The following GABBR2 variants were observed in gnomAD, a reference collection of about 807,000 sequenced individuals.
GABBR2 encodes the protein G-protein coupled receptor 51.
In GABBR2, 23 loss-of-function variants were observed where a neutral mutation model predicts 105.6. That is an observed-to-expected ratio of 0.22 (90% confidence interval 0.16 to 0.31). The LOEUF (loss-of-function observed/expected upper bound fraction) is 0.31, where lower values mean the gene tolerates loss of function less well. Ranked by LOEUF, GABBR2 falls within the 10% of genes least tolerant of loss-of-function variation. The pLI is 1.00. For synonymous variants in GABBR2, 478 were observed against 499.7 expected (o/e 0.96, Z 0.58); for missense variants, 734 against 1,245.5 (o/e 0.59, Z 6.18).
chr9:98,476,260 T>C (rs1826791104), intron 5 of GABBR2, among the ~76,000 whole-genome samples: 1 of 152,238 alleles, frequency 6.6e-6, no homozygotes, highest in Non-Finnish European at 1.5e-5. Context: ...TACTGTCCTG[T>C]TGTAGCTGTT....
At chr9:98,463,833 G>A (rs898833753) in intron 6 of GABBR2, among the ~76,000 whole-genome samples, 1 of 152,138 alleles carries the variant, frequency 6.6e-6, no homozygotes, top group Non-Finnish European at 1.5e-5. Flanking sequence ...ACGGGGTTTC[G>A]CTGTGTTGAC....
At chr9:98,403,502 C>T (rs936862030) in intron 8 of GABBR2, among the ~76,000 whole-genome samples, 5 of 152,006 alleles carry the variant, frequency 3.3e-5, no homozygotes, top group African/African-American at 1.2e-4. Context: ...CCCTGGGAGA[C>T]ACTACTCATC....
At chr9:98,575,091 C>A (rs116000548) in intron 2 of GABBR2, among the ~76,000 whole-genome samples, 9,455 of 152,098 alleles carry the variant, frequency 0.062, 313 homozygotes, top group South Asian at 0.088. Context: ...ACCACCACCC[C>A]CCCCCAAATC....
In GABBR2 at chr9:98,594,524, C is replaced by A. The variant is rs951897536; in HGVS notation, c.322-16452G>T. On this transcript the variant is annotated intron_variant, in intron 1 of 18. Transcript: ENST00000259455. The stretch of plus-strand genomic sequence containing the variant: ...GGAGGGGCTCTGGGAGAGGAATTTG[C>A]TGGAGGGGTGGGGCCCAGGGAAGGT... Among the ~76,000 whole-genome samples the A allele has an allele frequency of 3.9e-5, 6 of 152,192 alleles. No homozygotes were observed. The East Asian group carries it at 1.2e-3, about 29-fold the overall frequency.
intron 3 of GABBR2, among the ~76,000 whole-genome samples, chr9:98,517,887 T>A (rs1307913486): frequency 9.2e-6 from 1 of 109,080 alleles, no homozygotes; most frequent in East Asian, 3.6e-4. Flanking sequence ...CCAGTGAGAG[T>A]CCAGAGGGAG....
chr9:98,428,400 T>TAAA (rs1825737330), intron 7 of GABBR2, among the ~76,000 whole-genome samples: 1 of 152,214 alleles, frequency 6.6e-6, no homozygotes, highest in Non-Finnish European at 1.5e-5. Flanking sequence ...AGGCTGCACC[T>TAAA]GACCAATCTC....
intron 1 of GABBR2, among the ~76,000 whole-genome samples, chr9:98,659,693 G>A (rs1439828830): frequency 1.3e-5 from 2 of 151,788 alleles, no homozygotes; most frequent in African/African-American, 2.4e-5. Flanking sequence ...GCTAACTTTT[G>A]TATTTTTAGT....
intron 1 of GABBR2, 90 bp downstream of exon 1, chr9:98,708,327 A>T (rs1830929206): frequency 2.4e-6 from 3 of 1,243,364 alleles, no homozygotes; most frequent in African/African-American, 1.6e-5. Context: ...TCAATCGGGG[A>T]TCTGACCAAA....
chr9:98,305,254 T>C (rs1352660094), intron 15 of GABBR2, among the ~76,000 whole-genome samples: 1 of 152,182 alleles, frequency 6.6e-6, no homozygotes. Flanking sequence ...ATGGAACATA[T>C]AAGTGGCTAC....
intron 11 of GABBR2, among the ~76,000 whole-genome samples, chr9:98,382,793 T>G (rs1832001803): frequency 6.6e-6 from 1 of 152,250 alleles, no homozygotes; most frequent in African/African-American, 2.4e-5. Context: ...AAATAAATTG[T>G]ATGCCCATGA....
intron 3 of GABBR2, among the ~76,000 whole-genome samples, chr9:98,522,851 G>A (rs1381868554): frequency 6.6e-6 from 1 of 152,068 alleles, no homozygotes; most frequent in Non-Finnish European, 1.5e-5. Context: ...ACTGAAAAAA[G>A]CATATCCACA....
At chr9:98,510,485 A>C (rs980824030) in intron 3 of GABBR2, among the ~76,000 whole-genome samples, 6 of 152,128 alleles carry the variant, frequency 3.9e-5, no homozygotes, top group Admixed American at 1.3e-4. Flanking sequence ...CAAATTGGAT[A>C]AAGAGTCAAG....
chr9:98,480,412 T>C (rs1826891732), intron 5 of GABBR2, among the ~76,000 whole-genome samples: 3 of 152,242 alleles, frequency 2.0e-5, no homozygotes, highest in African/African-American at 7.2e-5. Flanking sequence ...CTTTACTCTA[T>C]GGAGCTCTAT....
At chr9:98,570,377 G>A (rs145484517) in intron 2 of GABBR2, among the ~76,000 whole-genome samples, 11 of 152,290 alleles carry the variant, frequency 7.2e-5, no homozygotes, top group African/African-American at 1.4e-4. Context: ...TAGTGTTTGC[G>A]TTTTCCTACG....
chr9:98,643,921 T>C (rs1049011856), intron 1 of GABBR2, among the ~76,000 whole-genome samples: 2 of 152,242 alleles, frequency 1.3e-5, no homozygotes, highest in African/African-American at 4.8e-5. Flanking sequence ...AGCCAAGTCC[T>C]GGTGACACTG....
In GABBR2 at chr9:98,362,932, G is replaced by T. The variant is rs1831612578; in HGVS notation, c.1771-95C>A. Reference sequence around the variant, plus strand: ...AGGTCATAGGGGGAACCTGCATCATGAACCCCCCAGCCGGAGAGTCTCCTG... The same window carrying T: ...AGGTCATAGGGGGAACCTGCATCATTAACCCCCCAGCCGGAGAGTCTCCTG... On this transcript the variant is annotated intron_variant, in intron 12 of 18. Transcript: ENST00000259455. 22 of 1,087,434 alleles carry T rather than the reference G, an allele frequency of 2.0e-5. 1 individual carries two copies. In the South Asian group the frequency reaches 5.0e-4, roughly 24 times the overall value. The allele number at this position is 1,087,434 out of a possible 1,614,324, so 67.4% of individuals were successfully genotyped here.
intron 1 of GABBR2, among the ~76,000 whole-genome samples, chr9:98,694,949 T>G (rs913885420): frequency 6.6e-6 from 1 of 152,180 alleles, no homozygotes; most frequent in African/African-American, 2.4e-5. Flanking sequence ...ACCTAAAAGA[T>G]TTGTCTCTGG....
rs10818948 is a variant in GABBR2, at chr9:98,454,435, C to T, written c.1000-218G>A. Reference sequence around the variant, plus strand: ...GACCCCCCATTTTCAGGGGGGTCAACTTGCTTAGTTCCACAAAGCTAGTGA... The same window carrying T: ...GACCCCCCATTTTCAGGGGGGTCAATTTGCTTAGTTCCACAAAGCTAGTGA... On this transcript the variant is annotated intron_variant, in intron 6 of 18. Coordinates refer to ENST00000259455, the MANE Select transcript of GABBR2 (RefSeq NM_005458.8). The surrounding 1 kb of genome is among the most constrained non-coding windows in gnomAD (Gnocchi z 4.6). Among the ~76,000 whole-genome samples, 45,984 of 151,880 alleles carry T rather than the reference C, an allele frequency of 0.3. 7,499 individuals carry two copies. The highest frequency in any genetic ancestry group is 0.53 in the East Asian group (2,730 of 5,138).
intron 3 of GABBR2, among the ~76,000 whole-genome samples, chr9:98,517,576 T>C (rs1270759872): frequency 6.6e-6 from 1 of 152,200 alleles, no homozygotes; most frequent in African/African-American, 2.4e-5. Flanking sequence ...TAAACTTCAT[T>C]GTAAGTGAGG....
Sources: gnomAD v4.1 joint callset for allele counts (sites outside exome capture counted in the v4.1 genomes callset) on GRCh38, gnomAD v4.1.1 for gene constraint, Gnocchi (gnomAD v3.1) non-coding constraint, MANE v1.5 for transcripts, NCBI Gene and HGNC (gene_info 2026-07-23, HGNC 2026-07-21) for gene names.